The following KANSL1 variants were observed in gnomAD, a reference collection of about 807,000 sequenced individuals.
KANSL1 encodes MLL1/MLL complex subunit KANSL1.
Under a neutral mutation model 103.6 loss-of-function variants are expected in KANSL1, and 22 were observed. That is an observed-to-expected ratio of 0.21 (90% CI 0.15 to 0.30). The LOEUF is 0.30. KANSL1 is among the 10% of genes least tolerant of loss of function. KANSL1 has a pLI of 1.00. For missense variants in KANSL1, 1,337 were observed against 1,399.8 expected (o/e 0.96, Z 0.72); for synonymous variants, 600 against 527.6 (o/e 1.14, Z -1.88).
At position 46,094,839 on chromosome 17, in the gene KANSL1, CA is replaced by C. The variant is rs66674327; in HGVS notation, c.1290-139del. On this transcript the variant is annotated intron_variant, in intron 2 of 14. Transcript: ENST00000432791. Reference sequence around the variant, plus strand: ...TGTCAAGAAAAACCCAAGAGAGAGACAAGACACCTCCCGCTCATCAGGATGC... The same window carrying C: ...TGTCAAGAAAAACCCAAGAGAGAGACAGACACCTCCCGCTCATCAGGATGC... 148,861 of 949,766 alleles carry C rather than the reference CA, an allele frequency of 0.16. 14,246 individuals are homozygous for C. The highest frequency in any genetic ancestry group is 0.2 in the Middle Eastern group (855 of 4,330). 58.8% of individuals were successfully genotyped at this position (949,766 alleles called of 1,614,324 possible).
chr17:46,213,066 A>G (rs1306606455), intron 1 of KANSL1, among the ~76,000 whole-genome samples: 1 of 152,244 alleles, frequency 6.6e-6, no homozygotes, highest in Non-Finnish European at 1.5e-5. Flanking sequence ...AATCATTTAA[A>G]TATCAGCAAC....
chr17:46,050,199 A>C lies in KANSL1; in HGVS notation c.2020+334T>G, dbSNP rs955247590. ...CCAAAGTGCTGGGATTACAGGCGTGACCCACCACGCCTGGCCCAGACAAAA... is the reference window on the plus strand; with the variant it reads ...CCAAAGTGCTGGGATTACAGGCGTGCCCCACCACGCCTGGCCCAGACAAAA... On this transcript the variant is annotated intron_variant, in intron 7 of 14. Coordinates refer to ENST00000432791, the MANE Select transcript of KANSL1 (RefSeq NM_015443.4). 6 of 246,072 alleles carry C rather than the reference A, an allele frequency of 2.4e-5. No homozygotes were observed. In the Admixed American group the frequency reaches 2.5e-4, roughly 10 times the overall value. The allele number at this position is 246,072 out of a possible 1,614,324, so 15.2% of individuals were successfully genotyped here.
At chr17:46,090,733 T>C (rs2079351182) in intron 3 of KANSL1, among the ~76,000 whole-genome samples, 1 of 152,242 alleles carries the variant, frequency 6.6e-6, no homozygotes, top group African/African-American at 2.4e-5. Context: ...ACAGACCACA[T>C]ATACAATGAT....
chr17:46,050,562 C>T lies in KANSL1; in HGVS notation c.1991G>A (p.Cys664Tyr). The change falls in exon 7 of 15, where the codon TGT (cysteine) becomes TAT (tyrosine). Residue 664 changes from cysteine (C) to tyrosine (Y), a missense_variant. Coordinates refer to ENST00000432791, the MANE Select transcript of KANSL1 (RefSeq NM_015443.4). The part of the protein sequence containing the change: ...LLERLSQLDS[C>Y]VHPVLAFPDD... ...TGGAAATGCTAGAACAGGATGAACACAAGAGTCCAACTGGGAAAGACGTTC... is the reference window on the plus strand; with the variant it reads ...TGGAAATGCTAGAACAGGATGAACATAAGAGTCCAACTGGGAAAGACGTTC... The T allele has an allele frequency of 1.2e-6, 2 of 1,614,154 alleles. No homozygotes were observed. Among genetic ancestry groups the T allele is most frequent in the Non-Finnish European group, 1.7e-6 (2 of 1,180,020 alleles).
rs78878459 is a variant in KANSL1 at position 46,057,359 on chromosome 17, A to C, written c.1849-6655T>G. Among the ~76,000 whole-genome samples the C allele has an allele frequency of 1.5e-4, 23 of 152,294 alleles. No individual in the cohort carries two copies. In the East Asian group the frequency reaches 3.1e-3, roughly 20 times the overall value. On this transcript the variant is annotated intron_variant, in intron 6 of 14. Transcript: ENST00000432791. ...TTTGAAAATTGGTAAATAAAAAAAA[A>C]CAACAAATCATGCTTTCTTCTGTAC...
chr17:46,160,971 T>C (rs2045704369), intron 2 of KANSL1, among the ~76,000 whole-genome samples: 1 of 152,204 alleles, frequency 6.6e-6, no homozygotes, highest in African/African-American at 2.4e-5. Context: ...TAAAATTATC[T>C]ATCTCATTGT....
chr17:46,176,825 T>C (rs1414449843), intron 1 of KANSL1, among the ~76,000 whole-genome samples: 2 of 151,800 alleles, frequency 1.3e-5, no homozygotes, highest in Admixed American at 6.6e-5. Context: ...AATATCCCCA[T>C]AGGATACACA....
chr17:46,031,808 A>C, intron 14 of KANSL1, 105 bp from the exon 15 acceptor site: 1 of 1,153,164 alleles, frequency 8.7e-7, no homozygotes, highest in Non-Finnish European at 1.2e-6. Flanking sequence ...GGACCAGTCT[A>C]TCTAGTGTTC....
intron 4 of KANSL1, among the ~76,000 whole-genome samples, chr17:46,074,851 G>A (rs2078703716): frequency 6.6e-6 from 1 of 151,984 alleles, no homozygotes; most frequent in Non-Finnish European, 1.5e-5. Flanking sequence ...TTTTACAGAG[G>A]AGAAAGCTGT....
At position 46,052,963 on chromosome 17, in the gene KANSL1, CCAAAAAAAAAAAAAAA is replaced by C. The variant is rs2077771975; in HGVS notation, c.1849-2275_1849-2260del. ...TGGGAAAAAGAGTAAGATCCTGTCT[CCAAAAAAAAAAAAAAA>C]AAAAAAAAAAAAAAAAAAAAAAAAA... On this transcript the variant is annotated intron_variant, in intron 6 of 14. Coordinates refer to ENST00000432791, the MANE Select transcript of KANSL1 (RefSeq NM_015443.4). Among the ~76,000 whole-genome samples, 18 of 43,158 alleles carry C rather than the reference CCAAAAAAAAAAAAAAA, an allele frequency of 4.2e-4. 1 individual carries two copies. Among genetic ancestry groups the C allele is most frequent in the African/African-American group, 5.1e-4 (5 of 9,822 alleles). The allele number at this position is 43,158 out of a possible 152,430, so 28.3% of individuals were successfully genotyped here.
upstream of KANSL1, chr17:46,196,412 A>G (rs1278202828): frequency 6.6e-6 from 3 of 456,212 alleles, no homozygotes; most frequent in Admixed American, 2.3e-5. Context: ...ACAGCCTCCA[A>G]AAGAGAACTG....
intron 3 of KANSL1, among the ~76,000 whole-genome samples, chr17:46,087,492 G>C (rs1418659370): frequency 6.6e-6 from 1 of 152,212 alleles, no homozygotes; most frequent in African/African-American, 2.4e-5. Context: ...GTGCAAGGTA[G>C]TGTGAAAACA....
At chr17:46,172,451 CCTT>C (rs1338396999) in intron 1 of KANSL1, among the ~76,000 whole-genome samples, 1 of 152,044 alleles carries the variant, frequency 6.6e-6, no homozygotes, top group East Asian at 1.9e-4. Context: ...AGAATTGCAC[CCTT>C]CTTGTCATTT....
intron 13 of KANSL1, chr17:46,032,548 CAGG>C (rs1481282667): frequency 4.7e-6 from 2 of 426,122 alleles, no homozygotes; most frequent in Non-Finnish European, 8.3e-6. Flanking sequence ...CTAGTGAATT[CAGG>C]AGGTTAGGGA....
At chr17:46,143,802 T>TCAAAAAAAAAAAAA (rs2044550202) in intron 2 of KANSL1, among the ~76,000 whole-genome samples, 1 of 35,498 alleles carries the variant, frequency 2.8e-5, no homozygotes, top group Non-Finnish European at 5.1e-5. Context: ...AGACTCCATC[T>TCAAAAAAAAAAAAA]CAAAAAAAAA....
intron 2 of KANSL1, among the ~76,000 whole-genome samples, chr17:46,143,573 G>A (rs1371273313): frequency 6.6e-6 from 1 of 152,174 alleles, no homozygotes; most frequent in Non-Finnish European, 1.5e-5. Context: ...GGGAGGCCGA[G>A]ACGGGTAGAT....
chr17:46,154,797 T>A (rs1382251745), intron 2 of KANSL1, among the ~76,000 whole-genome samples: 2 of 152,204 alleles, frequency 1.3e-5, no homozygotes, highest in Admixed American at 6.5e-5. Context: ...GTAACCCATA[T>A]TATACATGGT....
chr17:46,133,682 T>TA (rs1221224078), intron 2 of KANSL1, among the ~76,000 whole-genome samples: 10 of 152,238 alleles, frequency 6.6e-5, no homozygotes, highest in Admixed American at 1.3e-4. Flanking sequence ...AAATAGTTGT[T>TA]AAAAGTTTGA....
intron 9 of KANSL1, 39 bp downstream of exon 9, chr17:46,038,988 G>A (rs1476552024): frequency 6.3e-7 from 1 of 1,590,802 alleles, no homozygotes; most frequent in Non-Finnish European, 8.5e-7. Context: ...CCCTGAGCAG[G>A]TGCAGTTGCA....
Sources: allele counts gnomAD v4.1 joint callset (sites outside exome capture counted in the v4.1 genomes callset), GRCh38; gene constraint gnomAD v4.1.1; transcripts MANE v1.5; gene names NCBI Gene and HGNC (gene_info 2026-07-23, HGNC 2026-07-21).